The following TNNI3K variants were observed in gnomAD, a reference collection of about 807,000 sequenced individuals.
TNNI3K encodes the protein serine/threonine-protein kinase TNNI3K.
A neutral mutation model predicts 114.5 loss-of-function variants in TNNI3K; 140 were observed. The ratio of observed to expected loss-of-function variants is 1.22; its 90% CI spans 1.07 to 1.41. The LOEUF is 1.41. TNNI3K is among the 40% of genes most tolerant of loss of function. The pLI is 0.00. For missense variants in TNNI3K, 1,125 were observed against 1,007.6 expected (o/e 1.12, Z -1.58); for synonymous variants, 347 against 347.5 (o/e 1.00, Z 0.02).
chr1:74,412,180 T>C (rs1237760448), intron 17 of TNNI3K, among the ~76,000 whole-genome samples: 1 of 152,148 alleles, frequency 6.6e-6, no homozygotes, highest in East Asian at 1.9e-4. Flanking sequence ...TCCTCACATC[T>C]AATTAAATCT....
intron 17 of TNNI3K, among the ~76,000 whole-genome samples, chr1:74,432,904 A>C (rs1376028506): frequency 2.0e-5 from 3 of 151,998 alleles, no homozygotes; most frequent in Non-Finnish European, 2.9e-5. Flanking sequence ...CTTCCCAGCT[A>C]TGATACAGGA....
chr1:74,437,646 G>C (rs1297133108), intron 19 of TNNI3K, among the ~76,000 whole-genome samples: 2 of 151,872 alleles, frequency 1.3e-5, no homozygotes, highest in African/African-American at 4.8e-5. Context: ...AGTGAGGTGA[G>C]CAAGGAGGAA....
chr1:74,474,271 T>C (rs1326001395), intron 21 of TNNI3K, among the ~76,000 whole-genome samples: 4 of 152,116 alleles, frequency 2.6e-5, no homozygotes, highest in Non-Finnish European at 5.9e-5. Flanking sequence ...TATTTCTTTA[T>C]AAAATAAAGC....
At chr1:74,261,554 T>C (rs2100872176) in intron 4 of TNNI3K, among the ~76,000 whole-genome samples, 1 of 152,236 alleles carries the variant, frequency 6.6e-6, no homozygotes, top group Admixed American at 6.5e-5. Flanking sequence ...TTAGGTGGTA[T>C]CTAAATTGTA....
chr1:74,374,065 T>C (rs1662749786), intron 17 of TNNI3K: 1 of 151,928 alleles, frequency 6.6e-6, no homozygotes. Flanking sequence ...ACAATGTAAA[T>C]GCTCTGTAAA....
chr1:74,414,189 A>G (rs7515072), intron 17 of TNNI3K, among the ~76,000 whole-genome samples: 94,245 of 152,084 alleles, frequency 0.62, 33,248 homozygotes, highest in East Asian at 0.81. Flanking sequence ...TTCTGTCCAT[A>G]TATAACAATC....
intron 4 of TNNI3K, among the ~76,000 whole-genome samples, chr1:74,257,716 T>C (rs1056130268): frequency 7.5e-6 from 1 of 133,772 alleles, no homozygotes; most frequent in African/African-American, 2.8e-5. Context: ...TCACCCAGGC[T>C]GGAGTGCAGT....
intron 5 of TNNI3K, among the ~76,000 whole-genome samples, chr1:74,303,751 G>A (rs1658464588): frequency 6.6e-6 from 1 of 152,126 alleles, no homozygotes; most frequent in Non-Finnish European, 1.5e-5. Flanking sequence ...TCTGGGCCAA[G>A]GAAATTGAAA....
At chr1:74,266,408 C>T (rs983925444) in intron 4 of TNNI3K, among the ~76,000 whole-genome samples, 10 of 151,930 alleles carry the variant, frequency 6.6e-5, no homozygotes, top group South Asian at 2.1e-4. Context: ...AGAAAGGAAG[C>T]TGTGTGGTCT....
At chr1:74,338,996 T>C (rs938624257) in intron 7 of TNNI3K, among the ~76,000 whole-genome samples, 2 of 152,150 alleles carry the variant, frequency 1.3e-5, no homozygotes, top group African/African-American at 4.8e-5. Context: ...TTTTTGAAAC[T>C]GCCTCACTCT....
intron 23 of TNNI3K, among the ~76,000 whole-genome samples, chr1:74,502,295 G>A (rs1345675603): frequency 6.6e-6 from 1 of 152,132 alleles, no homozygotes; most frequent in African/African-American, 2.4e-5. Context: ...CATGGTAGGT[G>A]CCAAACACCT....
intron 5 of TNNI3K, among the ~76,000 whole-genome samples, chr1:74,330,080 G>C (rs753059451): frequency 3.3e-5 from 5 of 151,962 alleles, no homozygotes; most frequent in Non-Finnish European, 7.4e-5. Context: ...TCAATGTGTT[G>C]AACAGAAAAG....
chr1:74,502,171 T>C (rs559364530), intron 23 of TNNI3K, among the ~76,000 whole-genome samples: 1 of 152,322 alleles, frequency 6.6e-6, no homozygotes, highest in Non-Finnish European at 1.5e-5. Flanking sequence ...GTGATAATCT[T>C]AGAAAATCGT....
chr1:74,540,976 G>A (rs1015490409), intron 24 of TNNI3K, among the ~76,000 whole-genome samples: 2 of 152,258 alleles, frequency 1.3e-5, no homozygotes, highest in Admixed American at 6.5e-5. Context: ...CATCAGCTGC[G>A]ATATCAATGT....
chr1:74,481,569 G>A (rs1025471540), intron 21 of TNNI3K, among the ~76,000 whole-genome samples: 4 of 152,206 alleles, frequency 2.6e-5, no homozygotes, highest in African/African-American at 7.2e-5. Flanking sequence ...GTACCTGTCA[G>A]TGGGGTTCTC....
chr1:74,502,293 G>T (rs1284798820), intron 23 of TNNI3K, among the ~76,000 whole-genome samples: 1 of 152,120 alleles, frequency 6.6e-6, no homozygotes. Flanking sequence ...TACATGGTAG[G>T]TGCCAAACAC....
At chr1:74,440,259 C>T (rs1335364232) in intron 20 of TNNI3K, among the ~76,000 whole-genome samples, 1 of 152,040 alleles carries the variant, frequency 6.6e-6, no homozygotes, top group Non-Finnish European at 1.5e-5. Context: ...ACTTCATTTG[C>T]ATCTATCTCT....
chr1:74,508,779 G>A (rs1006673503), intron 23 of TNNI3K, among the ~76,000 whole-genome samples: 1 of 152,192 alleles, frequency 6.6e-6, no homozygotes, highest in Non-Finnish European at 1.5e-5. Context: ...CTGGGAAAGA[G>A]CTTGCATCTT....
intron 19 of TNNI3K, among the ~76,000 whole-genome samples, chr1:74,437,509 A>T (rs1190154306): frequency 1.3e-5 from 2 of 152,160 alleles, no homozygotes; most frequent in East Asian, 3.9e-4. Flanking sequence ...GAAAACGTTA[A>T]CATTTAATAA....
Sources: gnomAD v4.1 joint callset for allele counts (sites outside exome capture counted in the v4.1 genomes callset) on GRCh38, gnomAD v4.1.1 for gene constraint, MANE v1.5 for transcripts, NCBI Gene and HGNC (gene_info 2026-07-23, HGNC 2026-07-21) for gene names.